Variants in CHRDL2 observed in about 807,000 individuals in gnomAD.
The protein encoded by CHRDL2 is chordin like 2.
In CHRDL2, 41 loss-of-function variants were observed where a neutral mutation model predicts 54.3. The ratio of observed to expected loss-of-function variants is 0.76; its 90% confidence interval spans 0.59 to 0.98. The LOEUF is 0.98. Ranked by LOEUF, CHRDL2 falls within the 50% of genes least tolerant of loss-of-function variation. The probability of loss-of-function intolerance (pLI) is 0.00; values close to 1 mark genes in which losing one functional copy is unlikely to be tolerated. For missense variants in CHRDL2, 518 were observed against 562.4 expected (o/e 0.92, Z 0.80); for synonymous variants, 220 against 224.3 (o/e 0.98, Z 0.17).
Position 74,731,073 on chromosome 11 carries a change from A to C in CHRDL2, c.-185T>G. On this transcript the variant is annotated 5_prime_UTR_variant, in exon 1 of 11. Coordinates refer to ENST00000376332, the MANE Select transcript of CHRDL2 (RefSeq NM_001278473.3). The surrounding 1 kb of genome is among the most constrained non-coding windows in gnomAD (Gnocchi z 4.4). Reference sequence around the variant, plus strand: ...AAAGGAGGGCAGGAAGGGAGGTCTAAGGTGGGAAGAAGAGAAAGGTGGAAA... The same window carrying C: ...AAAGGAGGGCAGGAAGGGAGGTCTACGGTGGGAAGAAGAGAAAGGTGGAAA... 2 of 593,512 alleles carry C rather than the reference A, an allele frequency of 3.4e-6. No individual in the cohort carries two copies. The highest frequency in any genetic ancestry group is 4.0e-5 in the South Asian group (2 of 49,598). The allele number at this position is 593,512 out of a possible 1,614,324, so 36.8% of individuals were successfully genotyped here.
chr11:74,713,535 A>C, intron 2 of CHRDL2, 56 bp from the exon 3 acceptor site: 2 of 1,417,776 alleles, frequency 1.4e-6, no homozygotes, highest in Non-Finnish European at 9.9e-7. Context: ...TTCCACCTGT[A>C]CCTGTCCTTT....
At position 74,702,967 on chromosome 11, in the gene CHRDL2, T is replaced by C. The variant is rs149524051; in HGVS notation, c.947A>G (p.Glu316Gly). 6.2e-7 allele frequency: 1 copy of C among 1,607,868 alleles called. No homozygotes were observed. Among genetic ancestry groups the C allele is most frequent in the Non-Finnish European group, 8.5e-7 (1 of 1,176,594 alleles). The change falls in exon 9 of 11, where the codon GAG (glutamate) becomes GGG (glycine). Residue 316 changes from glutamate to glycine, a missense_variant and splice_region_variant. Transcript: ENST00000376332. ...VAGKCCKICP[E>G]DKADPGHSEI... The stretch of plus-strand genomic sequence containing the variant: ...ACTGTGGCCAGGGTCTGCTTTGTCC[T>C]CTGGAGAGACAAGAAGCTCATGAAG...
chr11:74,709,264 G>T (rs1449507361), intron 4 of CHRDL2, among the ~76,000 whole-genome samples: 2 of 152,144 alleles, frequency 1.3e-5, no homozygotes, highest in Non-Finnish European at 2.9e-5. Context: ...TCTCGCCACA[G>T]CCCCCTCCTC....
chr11:74,701,309 A>G, intron 9 of CHRDL2: 1 of 363,098 alleles, frequency 2.8e-6, no homozygotes, highest in Admixed American at 4.5e-5. Context: ...GCTAAGATAT[A>G]GCAGAGTCTG....
intron 1 of CHRDL2, among the ~76,000 whole-genome samples, chr11:74,730,385 A>G (rs530907948): frequency 2.3e-4 from 35 of 152,372 alleles, no homozygotes; most frequent in Admixed American, 3.9e-4. Context: ...TGCGAGGATC[A>G]AAAGAGAGAA....
intron 2 of CHRDL2, among the ~76,000 whole-genome samples, chr11:74,714,415 C>A (rs1033321440): frequency 1.3e-5 from 2 of 152,170 alleles, no homozygotes; most frequent in African/African-American, 4.8e-5. Context: ...CTGAAGTTGG[C>A]GAAGTTTGTT....
intron 2 of CHRDL2, 98 bp from the exon 3 acceptor site, chr11:74,713,577 G>A: frequency 1.1e-6 from 1 of 896,674 alleles, no homozygotes; most frequent in Non-Finnish European, 1.8e-6. Flanking sequence ...GCAGAAGTCT[G>A]AACTTGTCGT....
At position 74,696,521 on chromosome 11, in the gene CHRDL2, C is replaced by A; in HGVS notation, c.1278G>T (p.Val426=). The change falls in exon 11 of 11, where the codon GTG becomes GTT. Residue 426 remains valine, a synonymous_variant. Coordinates refer to ENST00000376332, the MANE Select transcript of CHRDL2 (RefSeq NM_001278473.3). ...ELKVTASPDK[V]TKT is the part of the protein sequence containing the mutation. ...TGTTAGGTCTTTGTTATGTCTTGGT[C>A]ACTTTGTCTGGACTGGCCGTGACCT... 1 of 1,613,928 alleles carries A rather than the reference C, an allele frequency of 6.2e-7. No homozygotes were observed. Among genetic ancestry groups the A allele is most frequent in the South Asian group, 1.1e-5 (1 of 91,052 alleles).
intron 6 of CHRDL2, among the ~76,000 whole-genome samples, chr11:74,706,008 C>G (rs78388236): frequency 0.03 from 4,630 of 152,234 alleles, 245 homozygotes; most frequent in African/African-American, 0.11. Context: ...AGATCAGAGA[C>G]AGCTGTCCAG....
chr11:74,703,747 C>A (rs889899334), intron 7 of CHRDL2, among the ~76,000 whole-genome samples: 23 of 152,268 alleles, frequency 1.5e-4, no homozygotes, highest in Admixed American at 1.4e-3. Flanking sequence ...CTCCCTCACC[C>A]TTCAGGGCAC....
intron 1 of CHRDL2, among the ~76,000 whole-genome samples, chr11:74,721,445 C>CA (rs1352582341): frequency 6.6e-6 from 1 of 152,216 alleles, no homozygotes; most frequent in Non-Finnish European, 1.5e-5. Flanking sequence ...CCCTTCCCCC[C>CA]ACCAACAGAC....
rs183117189 is a variant in CHRDL2 at position 74,714,873 on chromosome 11, C to T, written c.196-1394G>A. 2.3e-3 allele frequency among the ~76,000 whole-genome samples: 347 copies of T among 152,184 alleles called. 1 individual carries two copies. The highest frequency in any genetic ancestry group is 3.4e-3 in the Admixed American group (52 of 15,286). ...AGGAAACAGGATGGAGACAGGTTAG[C>T]GGTGAAAGGGCAGGTGAGGCACCTG... On this transcript the variant is annotated intron_variant, in intron 2 of 10. Coordinates refer to ENST00000376332, the MANE Select transcript of CHRDL2 (RefSeq NM_001278473.3).
intron 4 of CHRDL2, among the ~76,000 whole-genome samples, chr11:74,709,987 C>T (rs1036813834): frequency 1.2e-4 from 18 of 152,026 alleles, no homozygotes; most frequent in African/African-American, 3.9e-4. Context: ...GAGGCCGAGG[C>T]GGGCAGATCA....
chr11:74,719,875 G>A (rs2034464271), intron 1 of CHRDL2, among the ~76,000 whole-genome samples: 1 of 152,010 alleles, frequency 6.6e-6, no homozygotes, highest in African/African-American at 2.4e-5. Context: ...CCAGCCCTGG[G>A]TCAGACCTCC....
At chr11:74,729,444 C>T (rs1396689420) in intron 1 of CHRDL2, among the ~76,000 whole-genome samples, 8 of 152,154 alleles carry the variant, frequency 5.3e-5, no homozygotes. Context: ...TTATGACTTA[C>T]AAAAAGTCAC....
chr11:74,705,681 C>G (rs927960727), intron 6 of CHRDL2, among the ~76,000 whole-genome samples: 3 of 152,130 alleles, frequency 2.0e-5, no homozygotes, highest in Admixed American at 6.5e-5. Context: ...CGCACTGCCT[C>G]CTAGGAAGAG....
chr11:74,710,796 C>T (rs1233697818), intron 4 of CHRDL2, 53 bp downstream of exon 4: 1 of 1,590,628 alleles, frequency 6.3e-7, no homozygotes, highest in African/African-American at 1.3e-5. Flanking sequence ...CTACTATGTT[C>T]TTTGCAGGCC....
Position 74,731,040 on chromosome 11 carries a change from T to TGGGCAGGAAAGGA in CHRDL2, c.-165_-153dup. The stretch of plus-strand genomic sequence containing the variant: ...TCGGAGAAGGGCCAGGAAGCAGCGG[T>TGGGCAGGAAAGGA]GGGCAGGAAAGGAGGGCAGGAAGGG... On this transcript the variant is annotated 5_prime_UTR_variant, in exon 1 of 11. Coordinates refer to ENST00000376332, the MANE Select transcript of CHRDL2 (RefSeq NM_001278473.3). This position sits in a 1 kb window ranked among gnomAD's most constrained non-coding sequence, Gnocchi z 4.4. The TGGGCAGGAAAGGA allele has an allele frequency of 1.6e-6, 1 of 615,670 alleles. No homozygotes were observed. 38.1% of individuals were successfully genotyped at this position (615,670 alleles called of 1,614,324 possible).
chr11:74,706,621 G>A (rs907024268), intron 5 of CHRDL2, 79 bp from the exon 6 acceptor site: 26 of 1,369,708 alleles, frequency 1.9e-5, no homozygotes, highest in Non-Finnish European at 2.7e-5. Flanking sequence ...TCCACCTATA[G>A]GCTCTGTCCA....
Sources: allele counts gnomAD v4.1 joint callset (sites outside exome capture counted in the v4.1 genomes callset), GRCh38; gene constraint gnomAD v4.1.1; non-coding constraint Gnocchi (gnomAD v3.1); transcripts MANE v1.5; gene names NCBI Gene and HGNC (gene_info 2026-07-23, HGNC 2026-07-21).